The following ZNF804B variants were observed in gnomAD, a reference collection of about 807,000 sequenced individuals.
ZNF804B encodes the protein zinc finger 804B.
Under a neutral mutation model 101.4 loss-of-function variants are expected in ZNF804B, and 80 were observed. The ratio of observed to expected loss-of-function variants is 0.79; its 90% confidence interval spans 0.66 to 0.95. ZNF804B has a LOEUF of 0.95. Among genes scored for constraint, ZNF804B ranks in the 40% least tolerant of loss-of-function variants. The probability of loss-of-function intolerance (pLI) is 0.00; values close to 1 mark genes in which losing one functional copy is unlikely to be tolerated. For missense variants in ZNF804B, 1,673 were observed against 1,561.9 expected (o/e 1.07, Z -1.20); for synonymous variants, 622 against 558.8 (o/e 1.11, Z -1.59).
At chr7:88,927,633 GCTCT>G (rs148581670) in intron 1 of ZNF804B, among the ~76,000 whole-genome samples, 7 of 149,818 alleles carry the variant, frequency 4.7e-5, no homozygotes, top group African/African-American at 1.7e-4. Context: ...TTTCTCTCTT[GCTCT>G]CTCTCTCTCT....
At chr7:89,317,430 C>A (rs1286492574) in intron 2 of ZNF804B, among the ~76,000 whole-genome samples, 2 of 152,088 alleles carry the variant, frequency 1.3e-5, no homozygotes, top group Admixed American at 1.3e-4. Context: ...TGAGCCTGCA[C>A]CCAATATGAC....
intron 1 of ZNF804B, among the ~76,000 whole-genome samples, chr7:88,838,901 G>T (rs944248607): frequency 6.6e-6 from 1 of 151,856 alleles, no homozygotes; most frequent in African/African-American, 2.4e-5. Flanking sequence ...AGGTGGTCAC[G>T]AATGTAACCT....
intron 1 of ZNF804B, among the ~76,000 whole-genome samples, chr7:88,855,744 C>T (rs1201472139): frequency 6.6e-6 from 1 of 152,176 alleles, no homozygotes; most frequent in Non-Finnish European, 1.5e-5. Flanking sequence ...TTAGGTCTAA[C>T]ATTTAAGTCT....
intron 1 of ZNF804B, among the ~76,000 whole-genome samples, chr7:89,127,599 TAAGAA>T: frequency 6.6e-6 from 1 of 151,872 alleles, no homozygotes; most frequent in East Asian, 1.9e-4. Context: ...AGGAAGTAGT[TAAGAA>T]AAGAAAAATG....
chr7:89,028,269 T>C (rs541321497), intron 1 of ZNF804B, among the ~76,000 whole-genome samples: 83 of 152,288 alleles, frequency 5.5e-4, no homozygotes, highest in African/African-American at 1.8e-3. Flanking sequence ...AAACAGCAAC[T>C]TGATTAGCTT....
chr7:89,144,309 A>G (rs996489650), intron 1 of ZNF804B, among the ~76,000 whole-genome samples: 17 of 152,074 alleles, frequency 1.1e-4, no homozygotes, highest in Non-Finnish European at 2.1e-4. Flanking sequence ...ATCTGGATTA[A>G]TATGCATTAT....
intron 1 of ZNF804B, among the ~76,000 whole-genome samples, chr7:88,916,731 G>A (rs1792637933): frequency 6.6e-6 from 1 of 151,936 alleles, no homozygotes; most frequent in South Asian, 2.1e-4. Flanking sequence ...TAACACTTTA[G>A]GATGTTATAT....
chr7:88,804,147 C>T (rs779082654), intron 1 of ZNF804B, among the ~76,000 whole-genome samples: 16 of 152,040 alleles, frequency 1.1e-4, no homozygotes, highest in Non-Finnish European at 2.4e-4. Context: ...TGAGCAAAGC[C>T]AGGTTGCAAG....
At chr7:89,260,726 A>T (rs1484539586) in intron 2 of ZNF804B, among the ~76,000 whole-genome samples, 2 of 152,166 alleles carry the variant, frequency 1.3e-5, no homozygotes, top group Non-Finnish European at 2.9e-5. Flanking sequence ...TGTTGGTATA[A>T]CTGCAATGAC....
chr7:89,156,019 C>CCTTCCTTTCTTT (rs1491560521), intron 1 of ZNF804B, among the ~76,000 whole-genome samples: 44 of 121,932 alleles, frequency 3.6e-4, no homozygotes, highest in Admixed American at 1.8e-3. Context: ...TTCTCTCTTT[C>CCTTCCTTTCTTT]CTTTCTTTCT....
intron 2 of ZNF804B, among the ~76,000 whole-genome samples, chr7:89,308,653 G>A (rs1343136394): frequency 6.6e-6 from 1 of 152,126 alleles, no homozygotes. Flanking sequence ...ATACAAATGT[G>A]GAACTAACCA....
intron 1 of ZNF804B, among the ~76,000 whole-genome samples, chr7:89,144,973 G>T (rs907265953): frequency 2.0e-5 from 3 of 151,838 alleles, no homozygotes; most frequent in African/African-American, 7.3e-5. Flanking sequence ...GGGTGTGATG[G>T]TGCATTCCTG....
At chr7:88,951,004 A>G (rs1213597938) in intron 1 of ZNF804B, among the ~76,000 whole-genome samples, 1 of 151,816 alleles carries the variant, frequency 6.6e-6, no homozygotes, top group Non-Finnish European at 1.5e-5. Context: ...AGCAATTAGG[A>G]CAGAGTTGTT....
intron 1 of ZNF804B, among the ~76,000 whole-genome samples, chr7:89,088,197 T>C (rs996321276): frequency 6.6e-6 from 1 of 152,018 alleles, no homozygotes; most frequent in Non-Finnish European, 1.5e-5. Flanking sequence ...TCATGATTAT[T>C]ACTGTTAAAC....
At chr7:89,273,596 G>A (rs1445557143) in intron 2 of ZNF804B, among the ~76,000 whole-genome samples, 4 of 152,086 alleles carry the variant, frequency 2.6e-5, no homozygotes, top group Admixed American at 2.6e-4. Flanking sequence ...TGACACAATT[G>A]AAGAAACAAA....
At chr7:89,251,290 C>A (rs1029083449) in intron 2 of ZNF804B, among the ~76,000 whole-genome samples, 1 of 152,088 alleles carries the variant, frequency 6.6e-6, no homozygotes, top group Non-Finnish European at 1.5e-5. Context: ...CACTTCTATA[C>A]ACCAATAATA....
intron 1 of ZNF804B, among the ~76,000 whole-genome samples, chr7:88,835,293 T>A (rs1404523061): frequency 6.6e-6 from 1 of 151,812 alleles, no homozygotes; most frequent in Non-Finnish European, 1.5e-5. Flanking sequence ...CACCTTCACA[T>A]CACCAGTACT....
At chr7:88,948,306 A>ATTTTTTTTTT (rs68069374) in intron 1 of ZNF804B, among the ~76,000 whole-genome samples, 2 of 92,704 alleles carry the variant, frequency 2.2e-5, no homozygotes, top group Non-Finnish European at 2.0e-5. Context: ...CCACCCATCC[A>ATTTTTTTTTT]TTTTTTTTTT....
chr7:89,267,769 T>C (rs899363930), intron 2 of ZNF804B, among the ~76,000 whole-genome samples: 49 of 152,120 alleles, frequency 3.2e-4, no homozygotes, highest in African/African-American at 1.1e-3. Flanking sequence ...AGTGAAGCAA[T>C]AGGTGTCCTC....
Sources: allele counts gnomAD v4.1 joint callset (sites outside exome capture counted in the v4.1 genomes callset), GRCh38; gene constraint gnomAD v4.1.1; transcripts MANE v1.5; gene names NCBI Gene and HGNC (gene_info 2026-07-23, HGNC 2026-07-21).